The following IGSF21 variants were observed in gnomAD, a reference collection of about 807,000 sequenced individuals.
IGSF21 encodes the protein immunoglobulin superfamily member 21.
A neutral mutation model predicts 46.8 loss-of-function variants in IGSF21; 28 were observed. The observed-to-expected ratio is 0.60, with a 90% CI of 0.44 to 0.82. IGSF21 has a LOEUF of 0.82. Ranked by LOEUF, IGSF21 falls within the 40% of genes least tolerant of loss-of-function variation. The pLI is 0.00. For synonymous variants in IGSF21, 284 were observed against 273.6 expected, an observed-to-expected ratio of 1.04 and a Z score of -0.38; for missense variants, 624 against 665.5, an observed-to-expected ratio of 0.94 and a Z score of 0.69.
chr1:18,373,140 T>C (rs2086245883), intron 6 of IGSF21, among the ~76,000 whole-genome samples: 1 of 152,150 alleles, frequency 6.6e-6, no homozygotes, highest in African/African-American at 2.4e-5. Context: ...TCAAGCAGGG[T>C]GGTAGCCTAT....
chr1:18,362,715 G>A (rs1363280883), intron 5 of IGSF21, among the ~76,000 whole-genome samples: 1 of 152,208 alleles, frequency 6.6e-6, no homozygotes, highest in Non-Finnish European at 1.5e-5. Flanking sequence ...GGACAGGATG[G>A]AAGGGCGAGA....
chr1:18,139,345 C>T (rs1462966274), intron 1 of IGSF21, among the ~76,000 whole-genome samples: 1 of 147,508 alleles, frequency 6.8e-6, no homozygotes, highest in South Asian at 2.1e-4. Context: ...CTCAGGGTTC[C>T]GGGAGCTGTC....
intron 1 of IGSF21, among the ~76,000 whole-genome samples, chr1:18,149,693 C>T (rs9727014): frequency 0.39 from 58,927 of 151,406 alleles, 11,917 homozygotes; most frequent in East Asian, 0.57. Context: ...CTGAGGCTTC[C>T]TTCGGGGCAG....
intron 3 of IGSF21, among the ~76,000 whole-genome samples, chr1:18,328,270 A>AT (rs1458976607): frequency 6.6e-6 from 1 of 152,228 alleles, no homozygotes; most frequent in African/African-American, 2.4e-5. Context: ...CCTAGCTTAA[A>AT]TGTGCGGAAA....
chr1:18,212,507 G>A (rs1319285206), intron 1 of IGSF21, among the ~76,000 whole-genome samples: 1 of 152,164 alleles, frequency 6.6e-6, no homozygotes, highest in Non-Finnish European at 1.5e-5. Flanking sequence ...CCATTTTTCC[G>A]ATGAGATAGA....
chr1:18,253,290 A>G (rs1244405251), intron 2 of IGSF21, among the ~76,000 whole-genome samples: 1 of 152,250 alleles, frequency 6.6e-6, no homozygotes, highest in Non-Finnish European at 1.5e-5. Context: ...TTCCTGAGTC[A>G]TCTGATGGGC....
intron 4 of IGSF21, among the ~76,000 whole-genome samples, chr1:18,341,045 C>CTTCTTCTTCTTCT (rs55780171): frequency 0.066 from 5,084 of 77,156 alleles, 179 homozygotes; most frequent in Middle Eastern, 0.092. Context: ...CTTCTTCTTC[C>CTTCTTCTTCTTCT]TCTTCCTCTT....
At chr1:18,292,851 A>C (rs2085280039) in intron 3 of IGSF21, among the ~76,000 whole-genome samples, 2 of 152,124 alleles carry the variant, frequency 1.3e-5, no homozygotes, top group Admixed American at 1.3e-4. Flanking sequence ...CTCAGAGGGA[A>C]TCTCACTGCA....
chr1:18,313,699 A>G (rs1051996593), intron 3 of IGSF21, among the ~76,000 whole-genome samples: 1 of 152,172 alleles, frequency 6.6e-6, no homozygotes, highest in African/African-American at 2.4e-5. Context: ...ATAAGGATTA[A>G]TATTGCTCCC....
At chr1:18,336,738 G>A (rs2085770827) in intron 4 of IGSF21, among the ~76,000 whole-genome samples, 1 of 152,090 alleles carries the variant, frequency 6.6e-6, no homozygotes, top group African/African-American at 2.4e-5. Flanking sequence ...TCCCCCATCT[G>A]TACTGTATTA....
chr1:18,300,478 T>C (rs1426712052), intron 3 of IGSF21, among the ~76,000 whole-genome samples: 3 of 152,132 alleles, frequency 2.0e-5, no homozygotes, highest in Non-Finnish European at 2.9e-5. Context: ...GATGATGAAA[T>C]AGCCAGGCCA....
At chr1:18,248,647 G>T (rs913900766) in intron 2 of IGSF21, among the ~76,000 whole-genome samples, 2 of 152,258 alleles carry the variant, frequency 1.3e-5, no homozygotes, top group Admixed American at 6.5e-5. Context: ...AGTCCACATG[G>T]CGAGTTCTCC....
chr1:18,235,512 A>T (rs1315322323), intron 2 of IGSF21, among the ~76,000 whole-genome samples: 1 of 152,236 alleles, frequency 6.6e-6, no homozygotes, highest in Non-Finnish European at 1.5e-5. Context: ...GCAACAGGAA[A>T]CCTACCATGC....
chr1:18,155,010 T>C (rs1447913625), intron 1 of IGSF21, among the ~76,000 whole-genome samples: 1 of 151,934 alleles, frequency 6.6e-6, no homozygotes, highest in Non-Finnish European at 1.5e-5. Context: ...CTCCTGCAGG[T>C]CCCAGCTGAG....
At chr1:18,305,118 G>A (rs1056920356) in intron 3 of IGSF21, among the ~76,000 whole-genome samples, 4 of 152,210 alleles carry the variant, frequency 2.6e-5, no homozygotes, top group Non-Finnish European at 5.9e-5. Context: ...AGAGAGGGCA[G>A]AAGATGAGTG....
chr1:18,149,400 G>A (rs892721656), intron 1 of IGSF21, among the ~76,000 whole-genome samples: 1 of 152,174 alleles, frequency 6.6e-6, no homozygotes, highest in Non-Finnish European at 1.5e-5. Context: ...TGGCCATCCC[G>A]GCACGGTTCA....
At chr1:18,268,152 C>G (rs2085007744) in intron 2 of IGSF21, among the ~76,000 whole-genome samples, 1 of 152,236 alleles carries the variant, frequency 6.6e-6, no homozygotes, top group African/African-American at 2.4e-5. Context: ...TGTTTTCAAC[C>G]ACACGGAGCA....
At chr1:18,368,996 C>T (rs1247631052) in intron 6 of IGSF21, among the ~76,000 whole-genome samples, 2 of 152,204 alleles carry the variant, frequency 1.3e-5, no homozygotes, top group Non-Finnish European at 2.9e-5. Flanking sequence ...CCCAGGCCCT[C>T]CCTTAACTGG....
intron 2 of IGSF21, among the ~76,000 whole-genome samples, chr1:18,272,206 A>C: frequency 6.6e-6 from 1 of 152,014 alleles, no homozygotes; most frequent in Admixed American, 6.6e-5. Context: ...AGACTTATTC[A>C]CTAACACTAG....
Sources: allele counts gnomAD v4.1 joint callset (sites outside exome capture counted in the v4.1 genomes callset), GRCh38; gene constraint gnomAD v4.1.1; transcripts MANE v1.5; gene names NCBI Gene and HGNC (gene_info 2026-07-23, HGNC 2026-07-21).